The following TGFB3 variants were observed in gnomAD, a reference collection of about 807,000 sequenced individuals.
The protein encoded by TGFB3 is transforming growth factor beta 3, also known as transforming growth factor beta-3 proprotein.
Under a neutral mutation model 40.1 loss-of-function variants are expected in TGFB3, and 5 were observed. That is an observed-to-expected ratio of 0.12 (90% CI 0.07 to 0.26). The LOEUF (loss-of-function observed/expected upper bound fraction) is 0.26, where lower values mean the gene tolerates loss of function less well. Among genes scored for constraint, TGFB3 ranks in the 10% least tolerant of loss-of-function variants. The pLI is 1.00. For synonymous variants in TGFB3, 184 were observed against 205.6 expected, an observed-to-expected ratio of 0.89 and a Z score of 0.90; for missense variants, 373 against 530.1, an observed-to-expected ratio of 0.70 and a Z score of 2.91.
intron 1 of TGFB3, among the ~76,000 whole-genome samples, chr14:75,975,156 T>C (rs1472776557): frequency 2.0e-5 from 3 of 151,844 alleles, no homozygotes; most frequent in African/African-American, 7.3e-5. Flanking sequence ...TCACTGGAGG[T>C]CAGGAGTTCG....
chr14:75,975,417 A>G (rs1331421519), intron 1 of TGFB3, among the ~76,000 whole-genome samples: 1 of 152,222 alleles, frequency 6.6e-6, no homozygotes, highest in Non-Finnish European at 1.5e-5. Context: ...TGGGAGATCA[A>G]AGAAAATGTA....
Position 75,981,428 on chromosome 14 carries a change from T to G in TGFB3, c.-535A>C. On this transcript the variant is annotated 5_prime_UTR_variant, in exon 1 of 7. Transcript: ENST00000238682. The surrounding 1 kb of genome is among the most constrained non-coding windows in gnomAD (Gnocchi z 4.7). ...ATGGAAAAGAAAAGGGAAAAAAAAG[T>G]AAAAAAAAAAAGATCACCAGTGAGT... The G allele has an allele frequency of 3.8e-5, 6 of 159,504 alleles. No individual in the cohort carries two copies. The highest frequency in any genetic ancestry group is 1.2e-4 in the Admixed American group (2 of 16,472). The allele number at this position is 159,504 out of a possible 1,614,324, so 9.9% of individuals were successfully genotyped here. A position where few individuals can be genotyped will look rare whatever the true frequency, so the allele number is the denominator to read the frequency against.
At chr14:75,966,008 T>C (rs1022594540) in intron 3 of TGFB3, 1 of 388,674 alleles carries the variant, frequency 2.6e-6, no homozygotes, top group African/African-American at 2.1e-5. Flanking sequence ...AATTGTCACC[T>C]ACCTACTTGG....
At chr14:75,961,859 T>C (rs1438771746) in intron 5 of TGFB3, among the ~76,000 whole-genome samples, 1 of 152,180 alleles carries the variant, frequency 6.6e-6, no homozygotes. Context: ...CAGATGCTCC[T>C]TTTCCTGTCC....
Position 75,958,963 on chromosome 14 carries a change from C to T in TGFB3, c.*224G>A, listed in dbSNP as rs900525484. The T allele has an allele frequency of 8.6e-6, 5 of 581,474 alleles. No homozygotes were observed. In the Admixed American group the frequency reaches 9.6e-5, roughly 11 times the overall value. The allele number at this position is 581,474 out of a possible 1,614,324, so 36.0% of individuals were successfully genotyped here. A position where few individuals can be genotyped will look rare whatever the true frequency, so the allele number is the denominator to read the frequency against. ...GAAAGTCTGTGTGTTCTGAAGAGTT[C>T]AGCCTTCCTCTAACCAAACCCACAC... On this transcript the variant is annotated 3_prime_UTR_variant, in exon 7 of 7. Coordinates refer to ENST00000238682, the MANE Select transcript of TGFB3 (RefSeq NM_003239.5).
chr14:75,982,674 G>T (rs892233874), upstream of TGFB3: 4 of 151,974 alleles, frequency 2.6e-5, no homozygotes, highest in Non-Finnish European at 4.4e-5. This position sits in a 1 kb window ranked among gnomAD's most constrained non-coding sequence, Gnocchi z 4.0. Flanking sequence ...CTCGGGGGCT[G>T]GGGGCTGCGG....
chr14:75,976,012 T>C (rs1401490792), intron 1 of TGFB3, among the ~76,000 whole-genome samples: 1 of 152,258 alleles, frequency 6.6e-6, no homozygotes, highest in Non-Finnish European at 1.5e-5. Context: ...TTCTCTATTT[T>C]GTTTAACGGG....
At position 75,971,733 on chromosome 14, in the gene TGFB3, A is replaced by G; in HGVS notation, c.353-15T>C. On this transcript the variant is annotated splice_polypyrimidine_tract_variant and intron_variant, in intron 1 of 6. Transcript: ENST00000238682. This position sits in a 1 kb window ranked among gnomAD's most constrained non-coding sequence, Gnocchi z 4.5. ...AGCCAGTTCGTCTAGGAGATAAAGCAGAGCAGAGGGCACAGCATGAGCGAG... is the reference window on the plus strand; with the variant it reads ...AGCCAGTTCGTCTAGGAGATAAAGCGGAGCAGAGGGCACAGCATGAGCGAG... 1 of 1,614,076 alleles carries G rather than the reference A, an allele frequency of 6.2e-7. No homozygotes were observed. The highest frequency in any genetic ancestry group is 8.5e-7 in the Non-Finnish European group (1 of 1,179,994).
In TGFB3 at chr14:75,980,980, C is replaced by A; in HGVS notation, c.-87G>T. 23 of 1,248,276 alleles carry A rather than the reference C, an allele frequency of 1.8e-5. 2 individuals are homozygous for A. In the South Asian group the frequency reaches 2.8e-4, roughly 15 times the overall value. The allele number at this position is 1,248,276 out of a possible 1,614,324, so 77.3% of individuals were successfully genotyped here. ...GACGTGCAGAAGGAGGGAGGAAAAC[C>A]AGGCGGCCTCCCCAGATCCCAAAGA... On this transcript the variant is annotated 5_prime_UTR_variant, in exon 1 of 7. Coordinates refer to ENST00000238682, the MANE Select transcript of TGFB3 (RefSeq NM_003239.5). The surrounding 1 kb of genome is among the most constrained non-coding windows in gnomAD (Gnocchi z 4.3).
At chr14:75,961,417 TG>T (rs1171266217) in intron 5 of TGFB3, among the ~76,000 whole-genome samples, 2 of 152,244 alleles carry the variant, frequency 1.3e-5, no homozygotes, top group African/African-American at 2.4e-5. Context: ...AACTCAGCTT[TG>T]TTGAGGTTGG....
intron 6 of TGFB3, 50 bp downstream of exon 6, chr14:75,960,873 G>T: frequency 6.2e-7 from 1 of 1,611,974 alleles, no homozygotes; most frequent in South Asian, 1.1e-5. Flanking sequence ...TTAACAAGTG[G>T]TCTGGTCGGT....
At chr14:75,965,468 C>T in intron 4 of TGFB3, 120 bp downstream of exon 4, 2 of 825,964 alleles carry the variant, frequency 2.4e-6, no homozygotes, top group Non-Finnish European at 4.2e-6. Context: ...AAATAGTCGG[C>T]TATCTCTCTG....
At position 75,971,234 on chromosome 14, in the gene TGFB3, T is replaced by C; in HGVS notation, c.538A>G (p.Ile180Val). ...LFQILRPDEH[I>V]AKQRYIGGKN... is the part of the protein sequence containing the mutation. ...CCACCGATATAGCGCTGTTTGGCAATGTGCTCATCTGGCCGAAGGATCTAC... is the reference window on the plus strand; with the variant it reads ...CCACCGATATAGCGCTGTTTGGCAACGTGCTCATCTGGCCGAAGGATCTAC... The change falls in exon 3 of 7, where the codon ATT (isoleucine) becomes GTT (valine). Residue 180 changes from isoleucine (I) to valine (V), a missense_variant. Transcript: ENST00000238682. This position sits in a 1 kb window ranked among gnomAD's most constrained non-coding sequence, Gnocchi z 4.5. 1.2e-6 allele frequency: 2 copies of C among 1,614,136 alleles called. No homozygotes were observed. The highest frequency in any genetic ancestry group is 1.7e-6 in the Non-Finnish European group (2 of 1,180,016).
upstream of TGFB3, among the ~76,000 whole-genome samples, chr14:75,982,284 C>A (rs1050988348): frequency 6.6e-6 from 1 of 152,192 alleles, no homozygotes; most frequent in African/African-American, 2.4e-5. The surrounding 1 kb of genome is among the most constrained non-coding windows in gnomAD (Gnocchi z 4.0). Context: ...CCAGCCCCGG[C>A]GCCCTCTCGC....
At chr14:75,959,484 TGGG>T (rs1164166919) in intron 6 of TGFB3, 139 bp from the exon 7 acceptor site, 2 of 1,006,916 alleles carry the variant, frequency 2.0e-6, no homozygotes, top group East Asian at 5.2e-5. Context: ...GAGGAACTGT[TGGG>T]GGCCGGGTGC....
chr14:75,970,146 G>C (rs1273538225), intron 3 of TGFB3, among the ~76,000 whole-genome samples: 3 of 152,176 alleles, frequency 2.0e-5, no homozygotes, highest in Non-Finnish European at 4.4e-5. Flanking sequence ...ACACCCAGTA[G>C]AGGGACAGGA....
Position 75,963,362 on chromosome 14 carries a change from C to G in TGFB3, c.880G>C (p.Gly294Arg). 4.3e-6 allele frequency: 7 copies of G among 1,614,198 alleles called. No individual in the cohort carries two copies. Among genetic ancestry groups the G allele is most frequent in the Non-Finnish European group, 5.9e-6 (7 of 1,180,032 alleles). ...AAAGCCCGCTTCTTCCTCTGACCCCCCTGGCCCGGGTTGTCGAGCCGGTGT... is the reference window on the plus strand; with the variant it reads ...AAAGCCCGCTTCTTCCTCTGACCCCGCTGGCCCGGGTTGTCGAGCCGGTGT... ...PPHRLDNPGQ[G>R]GQRKKRALDT... is the part of the protein sequence containing the mutation. The change falls in exon 5 of 7, where the codon GGG becomes CGG. Residue 294 changes from glycine (G) to arginine (R), a missense_variant. Coordinates refer to ENST00000238682, the MANE Select transcript of TGFB3 (RefSeq NM_003239.5).
At chr14:75,975,692 T>C (rs2035345989) in intron 1 of TGFB3, among the ~76,000 whole-genome samples, 1 of 152,242 alleles carries the variant, frequency 6.6e-6, no homozygotes, top group Non-Finnish European at 1.5e-5. Flanking sequence ...GAGGTGGGGT[T>C]TGAACCCAGG....
At chr14:75,967,316 C>G (rs1232372311) in intron 3 of TGFB3, among the ~76,000 whole-genome samples, 1 of 152,206 alleles carries the variant, frequency 6.6e-6, no homozygotes, top group Non-Finnish European at 1.5e-5. Flanking sequence ...GATCTCTGTT[C>G]CAGCAGGTTC....
Sources: gnomAD v4.1 joint callset for allele counts (sites outside exome capture counted in the v4.1 genomes callset) on GRCh38, gnomAD v4.1.1 for gene constraint, Gnocchi (gnomAD v3.1) non-coding constraint, MANE v1.5 for transcripts, NCBI Gene and HGNC (gene_info 2026-07-23, HGNC 2026-07-21) for gene names.